SH2D6: variants seen among roughly 807,000 people sequenced by gnomAD.
SH2D6 encodes SH2 domain containing 6, also known as SH2 domain-containing protein 6.
SH2D6 carries 31 observed loss-of-function variants against 30.2 expected under a neutral mutation model. The observed-to-expected ratio is 1.03, with a 90% CI of 0.77 to 1.38. The LOEUF is 1.38. Among genes scored for constraint, SH2D6 ranks in the 40% most tolerant of loss-of-function variants. The pLI is 0.00. For missense variants in SH2D6, 240 were observed against 266.8 expected (o/e 0.90, Z 0.70); for synonymous variants, 93 against 104.6 (o/e 0.89, Z 0.68).
intron 6 of SH2D6, among the ~76,000 whole-genome samples, chr2:85,427,122 G>A (rs770817556): frequency 2.6e-5 from 4 of 152,212 alleles, no homozygotes; most frequent in African/African-American, 4.8e-5. Flanking sequence ...GTTTTCTGAG[G>A]GTGGATTAAG....
At chr2:85,420,381 A>G (rs371717789) in intron 2 of SH2D6, among the ~76,000 whole-genome samples, 18 of 152,294 alleles carry the variant, frequency 1.2e-4, no homozygotes, top group African/African-American at 4.3e-4. Flanking sequence ...TGGCCTCCCA[A>G]AGTGCCGGGA....
At chr2:85,423,266 C>G (rs1687815332) in intron 5 of SH2D6, among the ~76,000 whole-genome samples, 2 of 145,200 alleles carry the variant, frequency 1.4e-5, no homozygotes, top group South Asian at 2.2e-4. Flanking sequence ...TCTGCTCACT[C>G]TGTCGCCCAG....
chr2:85,419,906 G>A (rs560893493), intron 2 of SH2D6, among the ~76,000 whole-genome samples: 2 of 152,300 alleles, frequency 1.3e-5, no homozygotes, highest in South Asian at 4.1e-4. Flanking sequence ...TGGTCGCGTG[G>A]TCTCTAAGCA....
intron 5 of SH2D6, among the ~76,000 whole-genome samples, chr2:85,424,586 CA>C (rs1376321916): frequency 1.3e-5 from 2 of 151,834 alleles, no homozygotes; most frequent in African/African-American, 4.8e-5. Context: ...CTCATGTCTA[CA>C]AAAAATGTTT....
At chr2:85,435,382 C>A in intron 20 of SH2D6, 31 bp from the exon 21 acceptor site, 1 of 1,607,340 alleles carries the variant, frequency 6.2e-7, no homozygotes, top group Non-Finnish European at 8.5e-7. Context: ...AGTGCCCTGG[C>A]ATGTTTCTGA....
intron 6 of SH2D6, among the ~76,000 whole-genome samples, chr2:85,425,893 C>A (rs1047217698): frequency 1.3e-5 from 2 of 152,202 alleles, no homozygotes; most frequent in Non-Finnish European, 2.9e-5. Flanking sequence ...CAGAGTCTGG[C>A]ACGGGGCCTC....
chr2:85,434,630 A>C (rs1480242495), intron 19 of SH2D6, 133 bp downstream of exon 19: 40 of 1,371,476 alleles, frequency 2.9e-5, no homozygotes, highest in South Asian at 4.2e-5. Flanking sequence ...AAAAAAAAAA[A>C]AAAAACTAGG....
chr2:85,433,250 C>T (rs1034302659), intron 15 of SH2D6, 129 bp downstream of exon 15: 6 of 670,130 alleles, frequency 9.0e-6, no homozygotes, highest in African/African-American at 3.9e-5. Context: ...GAGCAGGGCC[C>T]CTGCCCCTCA....
chr2:85,433,259 C>T (rs1688973451), intron 15 of SH2D6, 138 bp downstream of exon 15: 1 of 578,052 alleles, frequency 1.7e-6, no homozygotes, highest in South Asian at 7.6e-5. Flanking sequence ...CCCTGCCCCT[C>T]AGCCACAGGC....
intron 20 of SH2D6, 88 bp from the exon 21 acceptor site, chr2:85,435,325 A>G: frequency 7.0e-7 from 1 of 1,433,992 alleles, no homozygotes; most frequent in Non-Finnish European, 9.7e-7. Flanking sequence ...AGGAGATGGG[A>G]ACATAAATAA....
chr2:85,421,379 A>C (rs1181662355), intron 2 of SH2D6: 1 of 152,270 alleles, frequency 6.6e-6, no homozygotes, highest in Admixed American at 6.5e-5. Flanking sequence ...ATTGTGCCTC[A>C]GCCTAGGCCC....
At chr2:85,433,667 C>G (rs1689036367) in intron 16 of SH2D6, 36 bp downstream of exon 16, 1 of 1,050,544 alleles carries the variant, frequency 9.5e-7, no homozygotes, top group South Asian at 3.5e-5. Context: ...CCCTCCTGCC[C>G]GAGGCCCTCA....
intron 5 of SH2D6, among the ~76,000 whole-genome samples, chr2:85,424,567 T>C (rs1687900196): frequency 6.6e-6 from 1 of 151,462 alleles, no homozygotes; most frequent in Non-Finnish European, 1.5e-5. Context: ...CTGGGCCACA[T>C]AGCAAGACCT....
At chr2:85,436,371 CA>C in intron 22 of SH2D6, 94 bp from the exon 23 acceptor site, 1 of 888,980 alleles carries the variant, frequency 1.1e-6, no homozygotes, top group Non-Finnish European at 1.8e-6. Context: ...AGAAAAATGT[CA>C]AAAGTCCCCT....
intron 17 of SH2D6, 62 bp downstream of exon 17, chr2:85,434,173 C>A (rs957721450): frequency 1.3e-6 from 2 of 1,535,632 alleles, no homozygotes; most frequent in Non-Finnish European, 1.8e-6. Context: ...AGAGACAGCA[C>A]CCCAGTTCAG....
intron 19 of SH2D6, 125 bp from the exon 20 acceptor site, chr2:85,434,940 G>T: frequency 6.2e-7 from 1 of 1,600,728 alleles, no homozygotes; most frequent in Admixed American, 1.7e-5. Flanking sequence ...GGGTGCCGGG[G>T]TTTGGGCTCG....
In SH2D6 at chr2:85,433,119, G is replaced by A. The variant is rs747463583; in HGVS notation, c.391G>A (p.Val131Met). The A allele has an allele frequency of 1.1e-5, 11 of 985,892 alleles. No individual in the cohort carries two copies. The highest frequency in any genetic ancestry group is 1.2e-5 in the Non-Finnish European group (10 of 830,024). 61.1% of individuals were successfully genotyped at this position (985,892 alleles called of 1,614,324 possible). The change falls in exon 15 of 24, where the codon GTG becomes ATG. Residue 131 changes from valine (V) to methionine (M), a missense_variant and splice_region_variant. By Grantham distance (21) the Val-to-Met change is conservative (BLOSUM62 1). Coordinates refer to ENST00000469800, the MANE Select transcript of SH2D6 (RefSeq NM_001394463.1). ...TTCAGAGCAGGGTGCATCGTCCAGAGTGGTGAGCAGCCCCTCCATTTCCAC... is the reference window on the plus strand; with the variant it reads ...TTCAGAGCAGGGTGCATCGTCCAGAATGGTGAGCAGCCCCTCCATTTCCAC... ...GRREQGASSRVVPGPPKKPDE... is the reference protein window; with the variant it reads ...GRREQGASSRMVPGPPKKPDE...
chr2:85,420,187 C>T (rs1335008554), intron 2 of SH2D6, among the ~76,000 whole-genome samples: 1 of 152,168 alleles, frequency 6.6e-6, no homozygotes, highest in Non-Finnish European at 1.5e-5. Flanking sequence ...CCACTGCAAC[C>T]TCTGCCTCCC....
chr2:85,422,823 GAGA>G (rs1428950710), intron 5 of SH2D6, 133 bp downstream of exon 5: 1 of 152,348 alleles, frequency 6.6e-6, no homozygotes, highest in Non-Finnish European at 1.5e-5. Context: ...AGGAGAACCT[GAGA>G]AGAACTAGTG....
Sources: allele counts gnomAD v4.1 joint callset (sites outside exome capture counted in the v4.1 genomes callset), GRCh38; gene constraint gnomAD v4.1.1; transcripts MANE v1.5; gene names NCBI Gene and HGNC (gene_info 2026-07-23, HGNC 2026-07-21).